APP: variants seen among roughly 807,000 people sequenced by gnomAD.
APP encodes the protein amyloid beta precursor protein.
APP carries 31 observed loss-of-function variants against 101.4 expected under a neutral mutation model. The ratio of observed to expected loss-of-function variants is 0.31; its 90% CI spans 0.23 to 0.41. The LOEUF (loss-of-function observed/expected upper bound fraction) is 0.41. APP is among the 10% of genes least tolerant of loss of function. APP has a pLI of 1.00. For missense variants in APP, 839 were observed against 1,003.7 expected, an observed-to-expected ratio of 0.84 and a Z score of 2.22; for synonymous variants, 366 against 364.4, an observed-to-expected ratio of 1.00 and a Z score of -0.05.
chr21:26,105,068 C>T (rs199689132), intron 2 of APP, among the ~76,000 whole-genome samples: 5 of 110,496 alleles, frequency 4.5e-5, no homozygotes, highest in Admixed American at 9.1e-5. Flanking sequence ...GCATTTTTTT[C>T]AAAAAAAAAA....
At chr21:25,895,110 CTTTTT>C (rs142828503) in intron 16 of APP, among the ~76,000 whole-genome samples, 1 of 142,636 alleles carries the variant, frequency 7.0e-6, no homozygotes, top group African/African-American at 2.6e-5. Flanking sequence ...ATATACATGG[CTTTTT>C]TTTTTTTTAG....
intron 6 of APP, among the ~76,000 whole-genome samples, chr21:26,006,140 G>A (rs748039110): frequency 4.6e-5 from 7 of 152,036 alleles, no homozygotes; most frequent in Admixed American, 2.0e-4. Flanking sequence ...AGATAATAAT[G>A]GAGAAAATTT....
chr21:25,961,999 A>C lies in APP; in HGVS notation c.1459-6244T>G, dbSNP rs75873168. Reference sequence around the variant, plus strand: ...AATAATTTTTCTGTGTATTAATACTACAGTCTGGTTATATTGGCATTAGAT... The same window carrying C: ...AATAATTTTTCTGTGTATTAATACTCCAGTCTGGTTATATTGGCATTAGAT... On this transcript the variant is annotated intron_variant, in intron 11 of 17. Coordinates refer to ENST00000346798, the MANE Select transcript of APP (RefSeq NM_000484.4). Among the ~76,000 whole-genome samples, 15 of 152,256 alleles carry C rather than the reference A, an allele frequency of 9.9e-5. No homozygotes were observed. The East Asian group carries it at 2.7e-3, about 27-fold the overall frequency.
chr21:26,058,761 C>T (rs1297736818), intron 3 of APP, among the ~76,000 whole-genome samples: 3 of 151,884 alleles, frequency 2.0e-5, no homozygotes, highest in African/African-American at 4.8e-5. Context: ...CTTAGAGAGA[C>T]CCTACCTCTA....
At chr21:25,908,727 G>A (rs886571153) in intron 14 of APP, among the ~76,000 whole-genome samples, 2 of 147,888 alleles carry the variant, frequency 1.4e-5, no homozygotes, top group South Asian at 2.1e-4. Flanking sequence ...CATTTACTAC[G>A]TTCCAGGAAT....
At chr21:26,073,164 C>A (rs1325096842) in intron 3 of APP, among the ~76,000 whole-genome samples, 1 of 151,898 alleles carries the variant, frequency 6.6e-6, no homozygotes, top group Admixed American at 6.6e-5. Flanking sequence ...AATGGACAAC[C>A]CCAGGGTACT....
intron 4 of APP, among the ~76,000 whole-genome samples, chr21:26,052,500 G>A (rs7282148): frequency 1 from 152,362 of 152,362 alleles, 76,181 homozygotes; most frequent in Non-Finnish European, 1. Context: ...AACCTATCAA[G>A]GGGACACAGC....
intron 6 of APP, among the ~76,000 whole-genome samples, chr21:26,005,795 A>G (rs973226439): frequency 2.0e-5 from 3 of 152,240 alleles, no homozygotes; most frequent in Admixed American, 6.5e-5. Flanking sequence ...AACCTGTTTC[A>G]CATTAATTAC....
chr21:25,984,970 T>C (rs771773059), intron 8 of APP, among the ~76,000 whole-genome samples: 1 of 152,166 alleles, frequency 6.6e-6, no homozygotes, highest in Non-Finnish European at 1.5e-5. Flanking sequence ...AAACTTACTA[T>C]ATAAGAAGGA....
chr21:25,902,244 G>C (rs2038538698), intron 15 of APP, among the ~76,000 whole-genome samples: 1 of 152,138 alleles, frequency 6.6e-6, no homozygotes, highest in Non-Finnish European at 1.5e-5. Context: ...GCCATCACTT[G>C]AACGGCATGA....
chr21:26,160,669 A>C (rs2063470851), intron 1 of APP, among the ~76,000 whole-genome samples: 2 of 151,110 alleles, frequency 1.3e-5, no homozygotes, highest in Admixed American at 6.6e-5. Context: ...AAAAGGAGCC[A>C]AAAAAAAAGA....
intron 16 of APP, among the ~76,000 whole-genome samples, chr21:25,895,176 C>CTT (rs371074293): frequency 0.016 from 2,355 of 143,702 alleles, 70 homozygotes; most frequent in African/African-American, 0.057. Flanking sequence ...TAAATACAAA[C>CTT]TTTTTTTTTT....
chr21:26,150,241 G>T (rs760518572), intron 1 of APP, among the ~76,000 whole-genome samples: 1 of 152,144 alleles, frequency 6.6e-6, no homozygotes, highest in African/African-American at 2.4e-5. Flanking sequence ...TCCAGGGGAA[G>T]TGTGGTAAGG....
chr21:26,115,367 A>G (rs1405182159), intron 1 of APP, among the ~76,000 whole-genome samples: 1 of 152,232 alleles, frequency 6.6e-6, no homozygotes, highest in Non-Finnish European at 1.5e-5. Context: ...AAATCAGAGC[A>G]ATTAGCTTGG....
chr21:26,007,533 TATATC>T (rs2043591754), intron 6 of APP, among the ~76,000 whole-genome samples: 1 of 150,012 alleles, frequency 6.7e-6, no homozygotes, highest in Admixed American at 6.6e-5. Flanking sequence ...ACATAATACA[TATATC>T]TGTCTGAGCT....
intron 6 of APP, among the ~76,000 whole-genome samples, chr21:26,008,454 G>A (rs756007887): frequency 6.6e-5 from 10 of 152,176 alleles, no homozygotes; most frequent in Non-Finnish European, 1.3e-4. Context: ...GAAAATAAGG[G>A]GAAGTGCTTT....
At chr21:26,143,695 T>A (rs2063097480) in intron 1 of APP, among the ~76,000 whole-genome samples, 1 of 152,202 alleles carries the variant, frequency 6.6e-6, no homozygotes, top group South Asian at 2.1e-4. Context: ...TTGACCAACA[T>A]CGCCTCACTT....
intron 3 of APP, among the ~76,000 whole-genome samples, chr21:26,054,192 T>C (rs1006540445): frequency 3.3e-5 from 5 of 152,204 alleles, no homozygotes; most frequent in African/African-American, 1.2e-4. Context: ...GGCCAGTATC[T>C]TGGGTGCAGT....
intron 8 of APP, among the ~76,000 whole-genome samples, chr21:25,990,485 G>GT (rs2042817237): frequency 6.6e-6 from 1 of 152,124 alleles, no homozygotes; most frequent in East Asian, 1.9e-4. Context: ...TTAGGTTATT[G>GT]TTTTTTGTCA....
Sources: allele counts gnomAD v4.1 joint callset (sites outside exome capture counted in the v4.1 genomes callset), GRCh38; gene constraint gnomAD v4.1.1; transcripts MANE v1.5; gene names NCBI Gene and HGNC (gene_info 2026-07-23, HGNC 2026-07-21).